The following RANBP3 variants were observed in gnomAD, a reference collection of about 807,000 sequenced individuals.
The protein encoded by RANBP3 is ran-binding protein 3.
RANBP3 carries 14 observed loss-of-function variants against 77.3 expected under a neutral mutation model. The ratio of observed to expected loss-of-function variants is 0.18; its 90% CI spans 0.12 to 0.28. The LOEUF (loss-of-function observed/expected upper bound fraction) is 0.28, where lower values mean the gene tolerates loss of function less well. Ranked by LOEUF, RANBP3 falls within the 10% of genes least tolerant of loss-of-function variation. The pLI is 1.00. For missense variants in RANBP3, 586 were observed against 752.3 expected (o/e 0.78, Z 2.59); for synonymous variants, 315 against 312.4 (o/e 1.01, Z -0.09).
chr19:5,935,285 G>T (rs1473809535), intron 5 of RANBP3, among the ~76,000 whole-genome samples: 1 of 152,226 alleles, frequency 6.6e-6, no homozygotes, highest in Non-Finnish European at 1.5e-5. Context: ...TCCAGCCCCA[G>T]GGGCTTCTGG....
Position 5,938,230 on chromosome 19 carries a change from T to C in RANBP3, c.406+3391A>G, listed in dbSNP as rs981072938. ...CGGCAATGAATTTATATATGGTAGG[T>C]TGGGTTACAGAATTCAGGTTGTTAA... On this transcript the variant is annotated intron_variant, in intron 5 of 16. Transcript: ENST00000340578. Among the ~76,000 whole-genome samples, 4 of 152,262 alleles carry C rather than the reference T, an allele frequency of 2.6e-5. No homozygotes were observed. The South Asian group carries it at 6.2e-4, about 24-fold the overall frequency.
At chr19:5,925,765 T>C (rs1256154856) in intron 9 of RANBP3, 28 bp from the exon 10 acceptor site, 9 of 1,259,666 alleles carry the variant, frequency 7.1e-6, no homozygotes, top group Middle Eastern at 2.0e-4. Flanking sequence ...CGCTCAGTAA[T>C]CGGGGGTGGG....
chr19:5,940,904 A>C (rs552375643), intron 5 of RANBP3, among the ~76,000 whole-genome samples: 1 of 152,332 alleles, frequency 6.6e-6, no homozygotes, highest in Admixed American at 6.5e-5. Context: ...TCTGAGTGTT[A>C]TATTAAGTAG....
chr19:5,933,585 G>T (rs2058025157), intron 5 of RANBP3, 106 bp from the exon 6 acceptor site: 1 of 796,626 alleles, frequency 1.3e-6, no homozygotes, highest in Non-Finnish European at 2.0e-6. Context: ...GTGACTTCGG[G>T]CCTGGAGAAC....
chr19:5,978,113 C>T lies in RANBP3; in HGVS notation c.-31G>A, dbSNP rs1477066705. 6.2e-7 allele frequency: 1 copy of T among 1,601,206 alleles called. No individual in the cohort carries two copies. The highest frequency in any genetic ancestry group is 8.5e-7 in the Non-Finnish European group (1 of 1,174,806). The stretch of plus-strand genomic sequence containing the variant: ...TTCCTTAAGCCCTCCCACAAGGCCC[C>T]GCGCCGGCCCAGGCTCGCCTGCTTT... On this transcript the variant is annotated 5_prime_UTR_variant, in exon 1 of 17. Transcript: ENST00000340578.
intron 5 of RANBP3, among the ~76,000 whole-genome samples, 184 bp downstream of exon 5, chr19:5,941,437 C>G (rs1254009629): frequency 6.6e-6 from 1 of 152,132 alleles, no homozygotes; most frequent in Admixed American, 6.6e-5. Context: ...TGATTCGAGA[C>G]GAGGACCCCT....
rs1017031001 is a variant in RANBP3, at chr19:5,959,180, A to T, written c.23-1207T>A. Among the ~76,000 whole-genome samples the T allele has an allele frequency of 1.3e-5, 2 of 152,176 alleles. No individual in the cohort carries two copies. The highest frequency in any genetic ancestry group is 3.2e-3 in the Middle Eastern group (1 of 316). On this transcript the variant is annotated intron_variant, in intron 1 of 16. Coordinates refer to ENST00000340578, the MANE Select transcript of RANBP3 (RefSeq NM_007322.3). The surrounding 1 kb of genome is among the most constrained non-coding windows in gnomAD (Gnocchi z 5.1). The stretch of plus-strand genomic sequence containing the variant: ...CTTGCGGGGTGATGGGGCCAGGGGC[A>T]GGCGGTGGGCATGCTGACTTGCTGG...
chr19:5,938,260 G>A (rs920096812), intron 5 of RANBP3, among the ~76,000 whole-genome samples: 2 of 152,132 alleles, frequency 1.3e-5, no homozygotes, highest in Non-Finnish European at 2.9e-5. Flanking sequence ...TGTTAAACTC[G>A]CTTGTTAAAT....
At chr19:5,943,916 G>C (rs1444132373) in intron 3 of RANBP3, among the ~76,000 whole-genome samples, 1 of 152,210 alleles carries the variant, frequency 6.6e-6, no homozygotes, top group African/African-American at 2.4e-5. Context: ...ACTCCGGCCA[G>C]GCCAAAAGCA....
chr19:5,960,101 G>C (rs1038073146), intron 1 of RANBP3, among the ~76,000 whole-genome samples: 2 of 152,100 alleles, frequency 1.3e-5, no homozygotes, highest in Non-Finnish European at 2.9e-5. Context: ...CCATGTCACC[G>C]AGAGGGGCCT....
chr19:5,956,621 G>A (rs535558474), intron 2 of RANBP3, among the ~76,000 whole-genome samples: 15 of 152,256 alleles, frequency 9.9e-5, no homozygotes, highest in Admixed American at 3.9e-4. Flanking sequence ...TCCTGGGAGG[G>A]GTGTGCTGGG....
At chr19:5,968,824 G>T (rs1350214405) in intron 1 of RANBP3, among the ~76,000 whole-genome samples, 1 of 152,212 alleles carries the variant, frequency 6.6e-6, no homozygotes. Flanking sequence ...CTTGCCACTG[G>T]AGACAGGAAA....
chr19:5,925,798 T>C, intron 9 of RANBP3, 61 bp from the exon 10 acceptor site: 1 of 1,384,414 alleles, frequency 7.2e-7, no homozygotes, highest in Non-Finnish European at 1.0e-6. Context: ...GTTCCACAGC[T>C]CAGTGTCTGC....
chr19:5,923,436 G>A, intron 12 of RANBP3, 133 bp from the exon 13 acceptor site: 2 of 820,372 alleles, frequency 2.4e-6, no homozygotes, highest in South Asian at 3.3e-5. Context: ...GCCTGCCCCG[G>A]CAACCCAAGT....
chr19:5,924,804 A>G lies in RANBP3; in HGVS notation c.996+23T>C, dbSNP rs1460922759. On this transcript the variant is annotated intron_variant, in intron 11 of 16. Transcript: ENST00000340578. The surrounding 1 kb of genome is among the most constrained non-coding windows in gnomAD (Gnocchi z 4.7). Reference sequence around the variant, plus strand: ...CGCCGAGAGCCTCTGGTCCCTGAGAACATTCCCAACACAGCCACTCACCAA... The same window carrying G: ...CGCCGAGAGCCTCTGGTCCCTGAGAGCATTCCCAACACAGCCACTCACCAA... 6.2e-7 allele frequency: 1 copy of G among 1,607,274 alleles called. No homozygotes were observed. Among genetic ancestry groups the G allele is most frequent in the Non-Finnish European group, 8.5e-7 (1 of 1,173,870 alleles).
intron 3 of RANBP3, among the ~76,000 whole-genome samples, chr19:5,948,325 G>A (rs916385868): frequency 1.2e-4 from 18 of 152,054 alleles, no homozygotes; most frequent in African/African-American, 4.3e-4. Flanking sequence ...GGTGGCGGGC[G>A]CCTGCAGTCC....
chr19:5,923,172 C>A, intron 13 of RANBP3, 22 bp downstream of exon 13: 1 of 1,605,494 alleles, frequency 6.2e-7, no homozygotes, highest in Non-Finnish European at 8.5e-7. Flanking sequence ...CCAGGGCCAC[C>A]GAGGAGGGGC....
At chr19:5,942,910 C>T (rs1044622614) in intron 3 of RANBP3, among the ~76,000 whole-genome samples, 1 of 151,908 alleles carries the variant, frequency 6.6e-6, no homozygotes, top group African/African-American at 2.4e-5. Flanking sequence ...TGCCTGTAGC[C>T]CCAGCTCCCA....
At chr19:5,944,470 C>T (rs73539643) in intron 3 of RANBP3, among the ~76,000 whole-genome samples, 1 of 152,328 alleles carries the variant, frequency 6.6e-6, no homozygotes, top group African/African-American at 2.4e-5. Context: ...TCTGCCCACC[C>T]GGGCAGCCAA....
Sources: allele counts gnomAD v4.1 joint callset (sites outside exome capture counted in the v4.1 genomes callset), GRCh38; gene constraint gnomAD v4.1.1; non-coding constraint Gnocchi (gnomAD v3.1); transcripts MANE v1.5; gene names NCBI Gene and HGNC (gene_info 2026-07-23, HGNC 2026-07-21).